RAPGEF2: variants seen among roughly 807,000 people sequenced by gnomAD.
The protein encoded by RAPGEF2 is Rap guanine nucleotide exchange factor 2, also known as PDZ domain containing guanine nucleotide exchange factor (GEF) 1.
A neutral mutation model predicts 186.7 loss-of-function variants in RAPGEF2; 54 were observed. The ratio of observed to expected loss-of-function variants is 0.29; its 90% CI spans 0.23 to 0.36. The LOEUF is 0.36. RAPGEF2 is among the 10% of genes least tolerant of loss of function. The pLI is 1.00. For synonymous variants in RAPGEF2, 712 were observed against 705.9 expected (o/e 1.01, Z -0.14); for missense variants, 1,532 against 2,045.0 (o/e 0.75, Z 4.84).
At chr4:159,274,974 T>A (rs951260966) in intron 7 of RAPGEF2, among the ~76,000 whole-genome samples, 1 of 152,046 alleles carries the variant, frequency 6.6e-6, no homozygotes, top group Non-Finnish European at 1.5e-5. Context: ...AATTAATCAC[T>A]TGTCACTCTC....
chr4:159,312,204 A>G (rs1172021404), intron 8 of RAPGEF2, among the ~76,000 whole-genome samples: 1 of 152,170 alleles, frequency 6.6e-6, no homozygotes, highest in East Asian at 1.9e-4. Context: ...AAATTATTGA[A>G]AATATTTTTA....
chr4:159,345,204 A>G lies in RAPGEF2; in HGVS notation c.3377A>G (p.Lys1126Arg). 4 of 1,614,176 alleles carry G rather than the reference A, an allele frequency of 2.5e-6. No homozygotes were observed. The highest frequency in any genetic ancestry group is 2.2e-5 in the South Asian group (2 of 91,082). ...CGTCGTAGTTCCTTTCTCAATGCCA[A>G]AAAGCTTTATGAAGATGCCCAAATG... ...RVRRSSFLNA[K>R]KLYEDAQMAR... Residue 1126 changes from lysine (K) to arginine (R), a missense_variant, in exon 24 of 30, where the codon AAA (lysine) becomes AGA (arginine). By Grantham distance (26) the Lys-to-Arg change is conservative. Coordinates refer to ENST00000691494, the MANE Select transcript of RAPGEF2 (RefSeq NM_001394067.2).
chr4:159,199,441 G>A (rs903924885), intron 3 of RAPGEF2, among the ~76,000 whole-genome samples: 6 of 151,470 alleles, frequency 4.0e-5, no homozygotes, highest in Non-Finnish European at 7.4e-5. Context: ...TGCCTACCAT[G>A]GAAATTTGCA....
At chr4:159,250,234 A>G (rs912237084) in intron 7 of RAPGEF2, among the ~76,000 whole-genome samples, 22 of 152,186 alleles carry the variant, frequency 1.4e-4, no homozygotes, top group Middle Eastern at 3.4e-3. Context: ...TGCTCGGGAG[A>G]TGGGTGCACC....
At chr4:159,279,870 G>T (rs1759458642) in intron 7 of RAPGEF2, among the ~76,000 whole-genome samples, 1 of 151,988 alleles carries the variant, frequency 6.6e-6, no homozygotes, top group Admixed American at 6.6e-5. Flanking sequence ...TTTTGGTAGA[G>T]ATGGGGTTTC....
chr4:159,332,410 T>A, intron 16 of RAPGEF2, 41 bp from the exon 17 acceptor site: 1 of 1,575,704 alleles, frequency 6.3e-7, no homozygotes, highest in South Asian at 1.1e-5. Context: ...AGATATCTTA[T>A]AATTGCCATT....
At chr4:159,337,951 C>T (rs955556497) in intron 17 of RAPGEF2, among the ~76,000 whole-genome samples, 2 of 125,998 alleles carry the variant, frequency 1.6e-5, no homozygotes, top group Non-Finnish European at 3.5e-5. Flanking sequence ...ACATACTATA[C>T]ACTTAAGAAA....
chr4:159,133,652 C>T (rs374282141), intron 1 of RAPGEF2, among the ~76,000 whole-genome samples: 18 of 151,918 alleles, frequency 1.2e-4, no homozygotes, highest in African/African-American at 4.1e-4. Flanking sequence ...GGCATGATCT[C>T]GGCTCACTGC....
intron 7 of RAPGEF2, among the ~76,000 whole-genome samples, chr4:159,259,461 A>G (rs1292414991): frequency 6.6e-6 from 1 of 152,204 alleles, no homozygotes; most frequent in African/African-American, 2.4e-5. Flanking sequence ...TGTATTTCTC[A>G]TTAATAAAGC....
intron 7 of RAPGEF2, among the ~76,000 whole-genome samples, chr4:159,277,236 C>T (rs1479659424): frequency 6.6e-6 from 1 of 152,126 alleles, no homozygotes; most frequent in Non-Finnish European, 1.5e-5. Flanking sequence ...ATCCATGTCC[C>T]TACAAAGGAC....
chr4:159,172,940 C>T (rs965676755), intron 1 of RAPGEF2, among the ~76,000 whole-genome samples: 1 of 152,146 alleles, frequency 6.6e-6, no homozygotes, highest in Admixed American at 6.5e-5. Flanking sequence ...AACTATTCCT[C>T]TTCTCTGCTC....
At chr4:159,236,062 G>A (rs964395047) in intron 4 of RAPGEF2, among the ~76,000 whole-genome samples, 1 of 152,168 alleles carries the variant, frequency 6.6e-6, no homozygotes, top group Non-Finnish European at 1.5e-5. Flanking sequence ...TTGAGTAAAT[G>A]AAGTAACATA....
At chr4:159,296,989 C>T (rs775814362) in intron 7 of RAPGEF2, among the ~76,000 whole-genome samples, 16 of 152,172 alleles carry the variant, frequency 1.1e-4, no homozygotes, top group African/African-American at 3.9e-4. Context: ...TTTTCCTCAT[C>T]GGGGTCCCAA....
chr4:159,308,439 A>T (rs543776473), intron 8 of RAPGEF2, among the ~76,000 whole-genome samples: 147 of 152,346 alleles, frequency 9.6e-4, no homozygotes, highest in Non-Finnish European at 1.9e-3. Flanking sequence ...GAAGTCTGAC[A>T]TGCATCTGGT....
chr4:159,174,526 C>A (rs946434196), intron 1 of RAPGEF2, among the ~76,000 whole-genome samples: 7 of 152,080 alleles, frequency 4.6e-5, no homozygotes, highest in Non-Finnish European at 8.8e-5. Flanking sequence ...ATTTTTATGG[C>A]TAATTAATGA....
At chr4:159,288,922 A>G (rs1760839961) in intron 7 of RAPGEF2, among the ~76,000 whole-genome samples, 1 of 152,040 alleles carries the variant, frequency 6.6e-6, no homozygotes, top group African/African-American at 2.4e-5. Context: ...CTCACTTCAG[A>G]TGTAATTTTC....
chr4:159,242,140 T>G (rs1480305428), intron 6 of RAPGEF2, among the ~76,000 whole-genome samples: 4 of 151,706 alleles, frequency 2.6e-5, no homozygotes, highest in Non-Finnish European at 5.9e-5. Flanking sequence ...TAAAGTCACT[T>G]TAAAGCCTTT....
intron 1 of RAPGEF2, among the ~76,000 whole-genome samples, chr4:159,183,194 T>C (rs748432089): frequency 6.6e-5 from 10 of 152,184 alleles, no homozygotes; most frequent in Non-Finnish European, 1.3e-4. Context: ...AGCTGCCTAC[T>C]CAAGACAGCG....
At chr4:159,293,891 T>C (rs1761570818) in intron 7 of RAPGEF2, among the ~76,000 whole-genome samples, 1 of 152,212 alleles carries the variant, frequency 6.6e-6, no homozygotes, top group Non-Finnish European at 1.5e-5. Context: ...GGGTCTCATG[T>C]GTAAGGTTGT....
Sources: gnomAD v4.1 joint callset for allele counts (sites outside exome capture counted in the v4.1 genomes callset) on GRCh38, gnomAD v4.1.1 for gene constraint, MANE v1.5 for transcripts, NCBI Gene and HGNC (gene_info 2026-07-23, HGNC 2026-07-21) for gene names.